The following ACACA variants were observed in gnomAD, a reference collection of about 807,000 sequenced individuals.
The protein encoded by ACACA is acetyl-CoA carboxylase alpha, also known as acetyl-CoA carboxylase 1.
A neutral mutation model predicts 296.1 loss-of-function variants in ACACA; 103 were observed. That is an observed-to-expected ratio of 0.35 (90% confidence interval 0.30 to 0.41). The LOEUF (loss-of-function observed/expected upper bound fraction) is 0.41, where lower values mean the gene tolerates loss of function less well. ACACA is among the 10% of genes least tolerant of loss of function. The pLI is 1.00. For synonymous variants in ACACA, 953 were observed against 1,038.6 expected, an observed-to-expected ratio of 0.92 and a Z score of 1.58; for missense variants, 1,554 against 2,989.7, an observed-to-expected ratio of 0.52 and a Z score of 11.20.
intron 38 of ACACA, among the ~76,000 whole-genome samples, chr17:37,190,207 T>C (rs767420074): frequency 2.0e-5 from 3 of 152,010 alleles, no homozygotes. Context: ...GGCAGGCAGA[T>C]TACTTGAGGT....
At chr17:37,317,795 T>A (rs1436981903) in intron 3 of ACACA, among the ~76,000 whole-genome samples, 4 of 152,320 alleles carry the variant, frequency 2.6e-5, no homozygotes, top group African/African-American at 9.6e-5. Flanking sequence ...CACAATTAGC[T>A]AAGTTTATAG....
At chr17:37,366,777 G>C (rs886969201) in intron 1 of ACACA, among the ~76,000 whole-genome samples, 1 of 139,902 alleles carries the variant, frequency 7.1e-6, no homozygotes, top group Non-Finnish European at 1.5e-5. Context: ...ACAATGTCAC[G>C]TCTTTTTAAA....
intron 11 of ACACA, among the ~76,000 whole-genome samples, chr17:37,263,334 A>G (rs892923470): frequency 7.9e-5 from 12 of 152,216 alleles, no homozygotes; most frequent in Admixed American, 4.6e-4. Flanking sequence ...ATTCAGCTGA[A>G]GACTTGATGA....
intron 1 of ACACA, among the ~76,000 whole-genome samples, chr17:37,366,152 G>C (rs1012602630): frequency 1.3e-5 from 2 of 152,046 alleles, no homozygotes; most frequent in Admixed American, 1.3e-4. Context: ...AGCCATGACG[G>C]TGCTCCTGGT....
chr17:37,303,315 T>C (rs748729010), intron 3 of ACACA, among the ~76,000 whole-genome samples: 2 of 152,250 alleles, frequency 1.3e-5, no homozygotes, highest in Admixed American at 6.5e-5. Flanking sequence ...TGCTGTAGCA[T>C]ATATCAGTAC....
At chr17:37,158,836 G>C (rs538000563) in intron 42 of ACACA, among the ~76,000 whole-genome samples, 2 of 152,134 alleles carry the variant, frequency 1.3e-5, no homozygotes, top group South Asian at 2.1e-4. Context: ...TCTTGGTCCT[G>C]CTGCAGCCTC....
chr17:37,268,725 C>CTATATATATATATATATA (rs1391160604), intron 10 of ACACA, among the ~76,000 whole-genome samples: 2 of 111,682 alleles, frequency 1.8e-5, no homozygotes, highest in African/African-American at 8.4e-5. Flanking sequence ...ATCTATCTAT[C>CTATATATATATATATATA]TATCTATCTA....
intron 1 of ACACA, among the ~76,000 whole-genome samples, chr17:37,340,956 G>A (rs751650905): frequency 6.6e-6 from 1 of 152,176 alleles, no homozygotes; most frequent in South Asian, 2.1e-4. Flanking sequence ...AGCTACTTGG[G>A]AGGCTGAGGC....
Position 37,286,765 on chromosome 17 carries a change from C to T in ACACA, c.339-1795G>A, listed in dbSNP as rs140406521. On this transcript the variant is annotated intron_variant, in intron 3 of 55. Transcript: ENST00000616317. The stretch of plus-strand genomic sequence containing the variant: ...CTGCCTGGGCCTATCAATCACCTGT[C>T]AGGCCAAGGATCTGAGTACCAGCTA... Among the ~76,000 whole-genome samples, 210 of 152,248 alleles carry T rather than the reference C, an allele frequency of 1.4e-3. 1 individual carries two copies. The highest frequency in any genetic ancestry group is 4.8e-3 in the African/African-American group (201 of 41,530).
chr17:37,200,197 G>T lies in ACACA; in HGVS notation c.4114-14C>A. 1 of 1,603,428 alleles carries T rather than the reference G, an allele frequency of 6.2e-7. No homozygotes were observed. The highest frequency in any genetic ancestry group is 1.1e-5 in the South Asian group (1 of 90,816). On this transcript the variant is annotated splice_polypyrimidine_tract_variant and intron_variant, in intron 34 of 55. Transcript: ENST00000616317. ...CTTTCTGAAATCCTTTCAAATAAAA[G>T]AGAGAAAGGAAGGAAAGACAGCAGA...
intron 2 of ACACA, among the ~76,000 whole-genome samples, chr17:37,331,143 A>C (rs2047862980): frequency 6.6e-6 from 1 of 151,240 alleles, no homozygotes; most frequent in African/African-American, 2.4e-5. Flanking sequence ...TTAGAGACGG[A>C]GTCTCGCTCT....
intron 41 of ACACA, among the ~76,000 whole-genome samples, chr17:37,174,020 A>ATATATATTTTTT (rs552735515): frequency 6.0e-5 from 1 of 16,792 alleles, no homozygotes; most frequent in African/African-American, 2.6e-4. Flanking sequence ...ATATATATAT[A>ATATATATTTTTT]TTTTTTTTTT....
intron 3 of ACACA, among the ~76,000 whole-genome samples, chr17:37,308,452 G>A (rs1195671337): frequency 6.6e-6 from 1 of 151,952 alleles, no homozygotes; most frequent in African/African-American, 2.4e-5. Context: ...TCAGGAATGA[G>A]GACAAGGGAA....
rs1047856091 is a variant in ACACA, at chr17:37,233,777, C to T, written c.3246+1198G>A. On this transcript the variant is annotated intron_variant, in intron 25 of 55. Coordinates refer to ENST00000616317, the MANE Select transcript of ACACA (RefSeq NM_198834.3). ...TGCCATAGATTGTATCATTTCTTAG[C>T]TGAAACCTGTCACTTGGGGGAAGTT... Among the ~76,000 whole-genome samples the T allele has an allele frequency of 2.6e-5, 4 of 152,216 alleles. No individual in the cohort carries two copies. In the East Asian group the frequency reaches 7.7e-4, roughly 29 times the overall value.
chr17:37,141,310 G>A, intron 45 of ACACA: 1 of 512,272 alleles, frequency 2.0e-6, no homozygotes, highest in South Asian at 1.5e-5. Context: ...CTTGCCCTCA[G>A]CCTTGCCTCC....
At chr17:37,386,448 C>T (rs188796169) in intron 1 of ACACA, among the ~76,000 whole-genome samples, 151 of 152,088 alleles carry the variant, frequency 9.9e-4, no homozygotes, top group Non-Finnish European at 1.8e-3. Flanking sequence ...AAAAATTAGC[C>T]GGACGTGGTG....
In ACACA at chr17:37,396,092, C is replaced by A. The variant is rs186421595; in HGVS notation, c.38+10170G>T. ...TGGTAGCTCACGCCTGTAATCCCAGCACTTTGGAGGGCCGAGTCGGGTGGA... is the reference window on the plus strand; with the variant it reads ...TGGTAGCTCACGCCTGTAATCCCAGAACTTTGGAGGGCCGAGTCGGGTGGA... On this transcript the variant is annotated intron_variant, in intron 1 of 55. Transcript: ENST00000616317. Among the ~76,000 whole-genome samples the A allele has an allele frequency of 1.3e-3, 202 of 152,234 alleles. 1 individual carries two copies. Among genetic ancestry groups the A allele is most frequent in the Non-Finnish European group, 2.4e-3 (166 of 68,016 alleles).
In ACACA at chr17:37,151,224, T is replaced by G. The variant is rs183391383; in HGVS notation, c.5568+77A>C. The G allele has an allele frequency of 2.1e-5, 32 of 1,537,834 alleles. No homozygotes were observed. The South Asian group carries it at 3.2e-4, about 16-fold the overall frequency. ...AGAAATGCTCTCATTTGGGACTGAA[T>G]AGCAGTGATAAGAGAAAAAAATAAA... On this transcript the variant is annotated intron_variant, in intron 44 of 55. Coordinates refer to ENST00000616317, the MANE Select transcript of ACACA (RefSeq NM_198834.3).
intron 42 of ACACA, among the ~76,000 whole-genome samples, chr17:37,156,600 T>C (rs1289200134): frequency 3.9e-5 from 6 of 152,232 alleles, no homozygotes; most frequent in Admixed American, 1.3e-4. Context: ...CTCAGATCTT[T>C]TGTTTTTTCA....
Sources: gnomAD v4.1 joint callset for allele counts (sites outside exome capture counted in the v4.1 genomes callset) on GRCh38, gnomAD v4.1.1 for gene constraint, MANE v1.5 for transcripts, NCBI Gene and HGNC (gene_info 2026-07-23, HGNC 2026-07-21) for gene names.